Variants in CACNA2D3 observed in about 807,000 individuals in gnomAD.
CACNA2D3 encodes voltage-dependent calcium channel subunit alpha-2/delta-3.
CACNA2D3 carries 60 observed loss-of-function variants against 160.6 expected under a neutral mutation model. The observed-to-expected ratio is 0.37, with a 90% CI of 0.30 to 0.46. The LOEUF (loss-of-function observed/expected upper bound fraction) is 0.46, where lower values mean the gene tolerates loss of function less well. Ranked by LOEUF, CACNA2D3 falls within the 20% of genes least tolerant of loss-of-function variation. The pLI is 1.00. For synonymous variants in CACNA2D3, 558 were observed against 492.9 expected, an observed-to-expected ratio of 1.13 and a Z score of -1.75; for missense variants, 1,205 against 1,365.0, an observed-to-expected ratio of 0.88 and a Z score of 1.85.
intron 11 of CACNA2D3, among the ~76,000 whole-genome samples, chr3:54,645,143 A>G (rs1330695537): frequency 6.6e-6 from 1 of 152,196 alleles, no homozygotes; most frequent in Non-Finnish European, 1.5e-5. Flanking sequence ...GAAACTTACA[A>G]TCATGGCAGA....
chr3:54,431,701 C>A (rs1394732623), intron 4 of CACNA2D3, among the ~76,000 whole-genome samples: 1 of 152,210 alleles, frequency 6.6e-6, no homozygotes, highest in Non-Finnish European at 1.5e-5. Flanking sequence ...CAACCTCCAT[C>A]TCCTGGGCGG....
chr3:54,989,469 C>G lies in CACNA2D3; in HGVS notation c.2690+1716C>G, dbSNP rs116455623. Among the ~76,000 whole-genome samples, 770 of 152,308 alleles carry G rather than the reference C, an allele frequency of 5.1e-3. 7 individuals carry two copies. Among genetic ancestry groups the G allele is most frequent in the African/African-American group, 0.018 (734 of 41,562 alleles). On this transcript the variant is annotated intron_variant, in intron 31 of 37. Coordinates refer to ENST00000474759, the MANE Select transcript of CACNA2D3 (RefSeq NM_018398.3). Reference sequence around the variant, plus strand: ...CATCCAGGAGCAAGTTGACAAACCTCCTGGGCTTCTTTGACGGGCCTCCTC... The same window carrying G: ...CATCCAGGAGCAAGTTGACAAACCTGCTGGGCTTCTTTGACGGGCCTCCTC...
Position 54,835,157 on chromosome 3 carries a change from CTT to C in CACNA2D3, c.1399-2001_1399-2000del, listed in dbSNP as rs1698650803. Among the ~76,000 whole-genome samples, 13 of 152,248 alleles carry C rather than the reference CTT, an allele frequency of 8.5e-5. 2 individuals are homozygous for C. In the South Asian group the frequency reaches 2.3e-3, roughly 27 times the overall value. On this transcript the variant is annotated intron_variant, in intron 14 of 37. Coordinates refer to ENST00000474759, the MANE Select transcript of CACNA2D3 (RefSeq NM_018398.3). ...ACCAGGAGATTCTTGCTTCATTTTA[CTT>C]GTCACGGAGGGATATAGGACTATCT... is the stretch of plus-strand genomic sequence containing the variant.
chr3:54,847,871 G>C (rs540483776), intron 17 of CACNA2D3, among the ~76,000 whole-genome samples: 1 of 148,434 alleles, frequency 6.7e-6, no homozygotes, highest in Non-Finnish European at 1.5e-5. Flanking sequence ...ACAAGTTTGC[G>C]TGACAGAGTT....
chr3:54,753,428 C>T (rs1196889204), intron 12 of CACNA2D3, among the ~76,000 whole-genome samples: 1 of 152,188 alleles, frequency 6.6e-6, no homozygotes, highest in African/African-American at 2.4e-5. Flanking sequence ...CTCTCTTCTG[C>T]TCTTGTGAAC....
chr3:54,196,450 A>G (rs1303449044), intron 2 of CACNA2D3, among the ~76,000 whole-genome samples: 1 of 152,160 alleles, frequency 6.6e-6, no homozygotes, highest in Non-Finnish European at 1.5e-5. Flanking sequence ...TTAAAACTTG[A>G]GTCTGGAAAG....
chr3:54,573,251 C>G (rs1048329499), intron 8 of CACNA2D3, among the ~76,000 whole-genome samples: 1 of 152,042 alleles, frequency 6.6e-6, no homozygotes, highest in Non-Finnish European at 1.5e-5. Context: ...CTTTGTTCCT[C>G]TAATGGATAA....
intron 10 of CACNA2D3, among the ~76,000 whole-genome samples, chr3:54,630,353 C>G (rs1699209057): frequency 2.0e-5 from 3 of 152,170 alleles, no homozygotes. Context: ...TACCCTTTCT[C>G]TGTCCATCCC....
intron 4 of CACNA2D3, among the ~76,000 whole-genome samples, chr3:54,453,446 G>T (rs1256733123): frequency 2.6e-5 from 4 of 152,100 alleles, no homozygotes; most frequent in Admixed American, 2.0e-4. Context: ...ATATCTTTTG[G>T]GGGGACTTAA....
At chr3:54,652,837 T>C (rs1490090808) in intron 11 of CACNA2D3, among the ~76,000 whole-genome samples, 3 of 144,316 alleles carry the variant, frequency 2.1e-5, no homozygotes, top group Admixed American at 7.4e-5. Flanking sequence ...GGCTGGAGTG[T>C]AGTTGCGTAA....
intron 2 of CACNA2D3, among the ~76,000 whole-genome samples, chr3:54,158,904 G>A (rs368097136): frequency 1.3e-5 from 2 of 152,140 alleles, no homozygotes; most frequent in Admixed American, 1.3e-4. Flanking sequence ...TCCCTGCCCT[G>A]CTGAAATTAA....
At chr3:54,592,052 G>A (rs1253764045) in intron 9 of CACNA2D3, among the ~76,000 whole-genome samples, 1 of 152,192 alleles carries the variant, frequency 6.6e-6, no homozygotes, top group Non-Finnish European at 1.5e-5. Context: ...ATGAAAGGGC[G>A]TGAAGGGGCT....
At chr3:55,035,117 G>A (rs976323576) in intron 35 of CACNA2D3, among the ~76,000 whole-genome samples, 3 of 152,196 alleles carry the variant, frequency 2.0e-5, no homozygotes, top group East Asian at 3.9e-4. Flanking sequence ...AGAGGCCTCC[G>A]CTTTTATTTC....
At chr3:54,444,446 G>T (rs541898274) in intron 4 of CACNA2D3, among the ~76,000 whole-genome samples, 1 of 152,226 alleles carries the variant, frequency 6.6e-6, no homozygotes, top group Non-Finnish European at 1.5e-5. Flanking sequence ...AGTGTCTTTT[G>T]CTTGCAACCA....
At chr3:54,592,575 A>G (rs1204164648) in intron 9 of CACNA2D3, among the ~76,000 whole-genome samples, 2 of 152,280 alleles carry the variant, frequency 1.3e-5, no homozygotes, top group Admixed American at 6.5e-5. Context: ...ACCATTCATC[A>G]GACCTTAAAA....
intron 2 of CACNA2D3, among the ~76,000 whole-genome samples, chr3:54,194,342 A>G (rs1701035292): frequency 6.6e-6 from 1 of 152,194 alleles, no homozygotes; most frequent in South Asian, 2.1e-4. Context: ...ATCCCATAAA[A>G]TGTGTAAATA....
intron 2 of CACNA2D3, among the ~76,000 whole-genome samples, chr3:54,237,707 A>G (rs762072090): frequency 1.3e-5 from 2 of 152,100 alleles, no homozygotes; most frequent in African/African-American, 2.4e-5. Flanking sequence ...TGAAAATCCA[A>G]GTGCTTCTGT....
chr3:54,457,820 G>T (rs1234847594), intron 4 of CACNA2D3, among the ~76,000 whole-genome samples: 2 of 151,890 alleles, frequency 1.3e-5, no homozygotes, highest in Non-Finnish European at 2.9e-5. Flanking sequence ...TGATCCCTTT[G>T]TCATTACATA....
At chr3:54,981,908 G>A (rs1702517190) in intron 29 of CACNA2D3, among the ~76,000 whole-genome samples, 1 of 152,208 alleles carries the variant, frequency 6.6e-6, no homozygotes, top group African/African-American at 2.4e-5. Flanking sequence ...GAAAAGATAA[G>A]AAAGGTAAAG....
Sources: gnomAD v4.1 joint callset for allele counts (sites outside exome capture counted in the v4.1 genomes callset) on GRCh38, gnomAD v4.1.1 for gene constraint, MANE v1.5 for transcripts, NCBI Gene and HGNC (gene_info 2026-07-23, HGNC 2026-07-21) for gene names.